Variants in TRIP4 observed in about 807,000 individuals in gnomAD.
TRIP4 encodes activating signal cointegrator 1.
In TRIP4, 54 loss-of-function variants were observed where a neutral mutation model predicts 81.8. The observed-to-expected ratio is 0.66, with a 90% CI of 0.53 to 0.83. The LOEUF (loss-of-function observed/expected upper bound fraction) is 0.83. TRIP4 is among the 40% of genes least tolerant of loss of function. The pLI is 0.00. For missense variants in TRIP4, 662 were observed against 683.6 expected, an observed-to-expected ratio of 0.97 and a Z score of 0.35; for synonymous variants, 270 against 242.8, an observed-to-expected ratio of 1.11 and a Z score of -1.04.
At chr15:64,450,726 C>T (rs148558147) in intron 12 of TRIP4, 294 of 456,012 alleles carry the variant, frequency 6.4e-4, no homozygotes, top group African/African-American at 5.6e-3. Flanking sequence ...CCTTGTTCCT[C>T]TTGTATCTTG....
chr15:64,419,961 GCC>G, intron 9 of TRIP4, among the ~76,000 whole-genome samples: 1 of 149,450 alleles, frequency 6.7e-6, no homozygotes, highest in African/African-American at 2.5e-5. Flanking sequence ...GATCACAGGC[GCC>G]CGCCACCACA....
intron 11 of TRIP4, among the ~76,000 whole-genome samples, chr15:64,442,644 A>G (rs1213279225): frequency 6.6e-6 from 1 of 151,144 alleles, no homozygotes; most frequent in African/African-American, 2.4e-5. Context: ...AAAGAATTCT[A>G]TCAAGTTCTA....
intron 11 of TRIP4, among the ~76,000 whole-genome samples, chr15:64,442,639 A>G (rs1000373403): frequency 1.3e-5 from 2 of 151,934 alleles, no homozygotes; most frequent in African/African-American, 4.8e-5. Context: ...AAAAAAAAGA[A>G]TTCTATCAAG....
At chr15:64,398,736 G>T (rs1052339684) in intron 4 of TRIP4, among the ~76,000 whole-genome samples, 3 of 152,064 alleles carry the variant, frequency 2.0e-5, no homozygotes, top group Non-Finnish European at 4.4e-5. Context: ...CCTTGTCATA[G>T]CTCTGCTTTG....
chr15:64,411,364 C>G (rs1891756872), intron 7 of TRIP4, among the ~76,000 whole-genome samples: 2 of 152,150 alleles, frequency 1.3e-5, no homozygotes, highest in South Asian at 4.1e-4. Context: ...ATGTACCACT[C>G]TGGTGAGGGA....
intron 11 of TRIP4, among the ~76,000 whole-genome samples, chr15:64,433,332 T>C (rs751735442): frequency 3.9e-5 from 6 of 152,114 alleles, no homozygotes; most frequent in South Asian, 2.1e-4. Context: ...CCTTTAGGGA[T>C]GAAATATCAT....
At chr15:64,449,236 T>A (rs1313096287) in intron 12 of TRIP4, among the ~76,000 whole-genome samples, 1 of 151,618 alleles carries the variant, frequency 6.6e-6, no homozygotes, top group Non-Finnish European at 1.5e-5. Flanking sequence ...TAATTAATAG[T>A]CTGCTTTACT....
rs947063426 is a variant in TRIP4, at chr15:64,421,497, G to A, written c.1359-2534G>A. On this transcript the variant is annotated intron_variant, in intron 9 of 12. Transcript: ENST00000261884. ...ATTACAGACATGCACCACCATGCCC[G>A]GCTAATTTTTGTATTTTTAGAAGAG... is the stretch of plus-strand genomic sequence containing the variant. Among the ~76,000 whole-genome samples, 57 of 150,934 alleles carry A rather than the reference G, an allele frequency of 3.8e-4. 1 individual carries two copies. The highest frequency in any genetic ancestry group is 1.2e-3 in the African/African-American group (48 of 41,256).
At chr15:64,406,575 G>C (rs1286938133) in intron 6 of TRIP4, 116 bp downstream of exon 6, 1 of 1,276,720 alleles carries the variant, frequency 7.8e-7, no homozygotes, top group African/African-American at 1.5e-5. Context: ...TATAGCAAAA[G>C]AAGAGCCAGA....
intron 11 of TRIP4, among the ~76,000 whole-genome samples, chr15:64,443,778 T>A (rs368542158): frequency 6.6e-6 from 1 of 152,028 alleles, no homozygotes; most frequent in East Asian, 1.9e-4. Context: ...TCCCAGAACT[T>A]TGGGAGGTTG....
In TRIP4 at chr15:64,431,261, CCCTCACGATGAGGGCTG is replaced by C. The variant is rs1414382095; in HGVS notation, c.1575+5631_1575+5647del. Among the ~76,000 whole-genome samples the C allele has an allele frequency of 6.6e-5, 10 of 152,164 alleles. No homozygotes were observed. The South Asian group carries it at 1.2e-3, about 19-fold the overall frequency. On this transcript the variant is annotated intron_variant, in intron 11 of 12. Coordinates refer to ENST00000261884, the MANE Select transcript of TRIP4 (RefSeq NM_016213.5). ...AGACCTCAAAATATTCCGATAACAG[CCCTCACGATGAGGGCTG>C]TTATCTGAGACTCAACAAGAAGAAA...
intron 4 of TRIP4, among the ~76,000 whole-genome samples, chr15:64,398,025 C>G (rs370039961): frequency 2.0e-5 from 3 of 152,110 alleles, no homozygotes; most frequent in East Asian, 1.9e-4. Flanking sequence ...CTCAGCCTCC[C>G]GAGCAGCTGG....
chr15:64,432,723 A>C (rs1005422020), intron 11 of TRIP4, among the ~76,000 whole-genome samples: 1 of 151,946 alleles, frequency 6.6e-6, no homozygotes. Context: ...TATCCTGGCT[A>C]ACATGGTGAA....
chr15:64,409,392 T>C (rs1339450655), intron 6 of TRIP4, among the ~76,000 whole-genome samples: 2 of 152,074 alleles, frequency 1.3e-5, no homozygotes, highest in Non-Finnish European at 2.9e-5. Flanking sequence ...TGGACTAATA[T>C]GAAAGGTAGA....
At chr15:64,413,420 G>A (rs913278113) in intron 7 of TRIP4, among the ~76,000 whole-genome samples, 6 of 151,798 alleles carry the variant, frequency 4.0e-5, no homozygotes, top group Non-Finnish European at 7.4e-5. Context: ...CAAGTGATCC[G>A]CCCTCTTTGG....
At chr15:64,395,605 A>C in intron 3 of TRIP4, 74 bp downstream of exon 3, 3 of 1,505,244 alleles carry the variant, frequency 2.0e-6, no homozygotes, top group South Asian at 2.7e-5. Flanking sequence ...CAGAGAGCAA[A>C]GTGTACAAAT....
chr15:64,413,340 C>A (rs1891812174), intron 7 of TRIP4, among the ~76,000 whole-genome samples: 2 of 151,882 alleles, frequency 1.3e-5, no homozygotes, highest in South Asian at 2.1e-4. Flanking sequence ...GCCACCATGC[C>A]CAGCTAATTT....
At chr15:64,425,113 C>G (rs1032035746) in intron 10 of TRIP4, among the ~76,000 whole-genome samples, 8 of 151,920 alleles carry the variant, frequency 5.3e-5, no homozygotes, top group Non-Finnish European at 1.0e-4. Flanking sequence ...TATGGACTGG[C>G]TTGTTTTAAA....
chr15:64,394,183 TTA>T, intron 2 of TRIP4, 68 bp downstream of exon 2: 46 of 1,348,668 alleles, frequency 3.4e-5, no homozygotes, highest in South Asian at 1.7e-4. Context: ...ATTATTATTA[TTA>T]TTTTTTTTTT....
Sources: gnomAD v4.1 joint callset for allele counts (sites outside exome capture counted in the v4.1 genomes callset) on GRCh38, gnomAD v4.1.1 for gene constraint, MANE v1.5 for transcripts, NCBI Gene and HGNC (gene_info 2026-07-23, HGNC 2026-07-21) for gene names.